The following PLEKHB2 variants were observed in gnomAD, a reference collection of about 807,000 sequenced individuals.
The protein encoded by PLEKHB2 is pleckstrin homology domain-containing family B member 2.
Under a neutral mutation model 36.5 loss-of-function variants are expected in PLEKHB2, and 31 were observed. The observed-to-expected ratio is 0.85, with a 90% CI of 0.64 to 1.15. PLEKHB2 has a LOEUF of 1.15. Ranked by LOEUF, PLEKHB2 falls within the 50% of genes most tolerant of loss-of-function variation. The probability of loss-of-function intolerance (pLI) is 0.00; values close to 1 mark genes in which losing one functional copy is unlikely to be tolerated. For missense variants in PLEKHB2, 262 were observed against 295.3 expected (o/e 0.89, Z 0.83); for synonymous variants, 119 against 112.0 (o/e 1.06, Z -0.39).
Position 131,146,941 on chromosome 2 carries a change from G to T in PLEKHB2, c.*168G>T. On this transcript the variant is annotated 3_prime_UTR_variant, in exon 8 of 8. Transcript: ENST00000693505. Reference sequence around the variant, plus strand: ...ATCCACATAAGTACCACAGAGAAGGGTTTGAACTGTGCTATTTTGTTCAAA... The same window carrying T: ...ATCCACATAAGTACCACAGAGAAGGTTTTGAACTGTGCTATTTTGTTCAAA... 1.8e-6 allele frequency: 1 copy of T among 561,826 alleles called. No homozygotes were observed. Among genetic ancestry groups the T allele is most frequent in the Non-Finnish European group, 3.0e-6 (1 of 335,090 alleles). 34.8% of individuals were successfully genotyped at this position (561,826 alleles called of 1,614,324 possible). A position where few individuals can be genotyped will look rare whatever the true frequency, so the allele number is the denominator to read the frequency against.
intron 7 of PLEKHB2, among the ~76,000 whole-genome samples, chr2:131,141,284 C>T (rs769015419): frequency 2.6e-5 from 4 of 152,096 alleles, no homozygotes; most frequent in South Asian, 2.1e-4. Flanking sequence ...TCAACTAGCA[C>T]GGACTTTGGA....
rs367597346 is a variant in PLEKHB2 at position 131,141,436 on chromosome 2, G to C, written c.532+1161G>C. ...GGGTGGATCATGAGGTCAGGAGATCGAGACCATCCTGGCTAACACAGTGAA... is the reference window on the plus strand; with the variant it reads ...GGGTGGATCATGAGGTCAGGAGATCCAGACCATCCTGGCTAACACAGTGAA... On this transcript the variant is annotated intron_variant, in intron 7 of 7. Coordinates refer to ENST00000693505, the MANE Select transcript of PLEKHB2 (RefSeq NM_001100623.2). Among the ~76,000 whole-genome samples, 471 of 151,950 alleles carry C rather than the reference G, an allele frequency of 3.1e-3. 2 individuals are homozygous for C. The highest frequency in any genetic ancestry group is 3.8e-3 in the Non-Finnish European group (258 of 67,936).
chr2:131,134,060 C>T (rs956494658), intron 6 of PLEKHB2, among the ~76,000 whole-genome samples: 11 of 151,426 alleles, frequency 7.3e-5, no homozygotes, highest in South Asian at 4.2e-4. Flanking sequence ...CCACCACGCC[C>T]GGCTAATTTT....
At chr2:131,121,588 C>G (rs1000592375) in intron 2 of PLEKHB2, among the ~76,000 whole-genome samples, 1 of 152,104 alleles carries the variant, frequency 6.6e-6, no homozygotes, top group Non-Finnish European at 1.5e-5. Context: ...CTGCCTGGAT[C>G]TAACTGAGCC....
At chr2:131,106,888 C>T (rs929389357) in intron 1 of PLEKHB2, among the ~76,000 whole-genome samples, 2 of 152,158 alleles carry the variant, frequency 1.3e-5, no homozygotes, top group Admixed American at 1.3e-4. Context: ...AACTCAGAAC[C>T]TGACAGCGGT....
In PLEKHB2 at chr2:131,117,611, A is replaced by AT. The variant is rs201603406; in HGVS notation, c.-8-3314dup. ...TTCTAGTAATTTTTAGCCTGTTCTC[A>AT]TTTTTTTTTGTATGAAATATACTGG... is the stretch of plus-strand genomic sequence containing the variant. On this transcript the variant is annotated intron_variant, in intron 1 of 7. Coordinates refer to ENST00000693505, the MANE Select transcript of PLEKHB2 (RefSeq NM_001100623.2). 5.6e-4 allele frequency among the ~76,000 whole-genome samples: 84 copies of AT among 150,802 alleles called. 1 individual carries two copies. The highest frequency in any genetic ancestry group is 1.8e-3 in the African/African-American group (74 of 41,176).
intron 5 of PLEKHB2, 29 bp downstream of exon 5, chr2:131,130,789 T>A (rs778723492): frequency 4.0e-6 from 2 of 505,884 alleles, no homozygotes; most frequent in East Asian, 1.6e-4. Context: ...TCACCAATAA[T>A]TTTTTTTTTT....
At chr2:131,139,996 G>A (rs892750448) in intron 6 of PLEKHB2, among the ~76,000 whole-genome samples, 171 bp from the exon 7 acceptor site, 6 of 152,032 alleles carry the variant, frequency 3.9e-5, no homozygotes, top group African/African-American at 1.4e-4. Context: ...TGTAGCTTTT[G>A]TTTGTTTTTT....
At position 131,149,383 on chromosome 2, in the gene PLEKHB2, C is replaced by T. The variant is rs1699521031; in HGVS notation, c.*2610C>T. On this transcript the variant is annotated 3_prime_UTR_variant, in exon 8 of 8. Transcript: ENST00000693505. ...CATGTGTACTTTTAAATAATCCATA[C>T]CTTGAAGAAGTTGGCCAATGATATT... The T allele has an allele frequency of 6.6e-6, 1 of 152,186 alleles. No homozygotes were observed. Among genetic ancestry groups the T allele is most frequent in the Non-Finnish European group, 1.5e-5 (1 of 68,032 alleles). The allele number at this position is 152,186 out of a possible 1,614,324, so 9.4% of individuals were successfully genotyped here.
chr2:131,110,131 A>AT (rs1159009752), intron 1 of PLEKHB2, among the ~76,000 whole-genome samples: 23 of 151,864 alleles, frequency 1.5e-4, no homozygotes, highest in Admixed American at 1.5e-3. Flanking sequence ...AAAAAATAGT[A>AT]TTTTATCTTT....
At chr2:131,131,065 A>G (rs887477355) in intron 5 of PLEKHB2, among the ~76,000 whole-genome samples, 3 of 152,252 alleles carry the variant, frequency 2.0e-5, no homozygotes, top group African/African-American at 7.2e-5. Flanking sequence ...CTGGGATTAC[A>G]GGCATGAGCC....
At chr2:131,124,834 G>A (rs1696939209) in intron 2 of PLEKHB2, among the ~76,000 whole-genome samples, 1 of 151,360 alleles carries the variant, frequency 6.6e-6, no homozygotes, top group Non-Finnish European at 1.5e-5. Context: ...CCCCCAGGTT[G>A]GAGGGCAGTG....
intron 6 of PLEKHB2, among the ~76,000 whole-genome samples, chr2:131,137,386 T>C (rs1488572415): frequency 6.6e-6 from 1 of 152,248 alleles, no homozygotes; most frequent in Admixed American, 6.5e-5. Context: ...CTCCTCCCTG[T>C]ATCCTCACAT....
At chr2:131,135,434 A>G (rs1364539670) in intron 6 of PLEKHB2, among the ~76,000 whole-genome samples, 1 of 152,222 alleles carries the variant, frequency 6.6e-6, no homozygotes, top group African/African-American at 2.4e-5. Flanking sequence ...GGGATATACT[A>G]CATAGGCAAT....
In PLEKHB2 at chr2:131,146,650, G is replaced by A; in HGVS notation, c.546G>A (p.Gln182=). The change falls in exon 8 of 8, where the codon CAG becomes CAA. Residue 182 remains glutamine (Q), a synonymous_variant. Transcript: ENST00000693505. ...YQYPYAGLYG[Q]QPANQVIIRE... The stretch of plus-strand genomic sequence containing the variant: ...CTTCTCTTTTAGGACTTTATGGACA[G>A]CAGCCTGCTAACCAAGTCATCATTC... The A allele has an allele frequency of 6.2e-7, 1 of 1,612,332 alleles. No homozygotes were observed. The highest frequency in any genetic ancestry group is 8.5e-7 in the Non-Finnish European group (1 of 1,179,364).
chr2:131,111,617 A>C (rs1475874972), intron 1 of PLEKHB2, among the ~76,000 whole-genome samples: 2 of 150,818 alleles, frequency 1.3e-5, no homozygotes, highest in African/African-American at 4.9e-5. Flanking sequence ...CAGCCTCCTG[A>C]GTAGCTGGGA....
intron 3 of PLEKHB2, among the ~76,000 whole-genome samples, chr2:131,126,475 G>A (rs1447815003): frequency 6.6e-6 from 1 of 152,056 alleles, no homozygotes; most frequent in Admixed American, 6.6e-5. Flanking sequence ...GCAGTGAGCC[G>A]AATATATTTT....
chr2:131,115,738 T>G (rs887346925), intron 1 of PLEKHB2, among the ~76,000 whole-genome samples: 4 of 152,176 alleles, frequency 2.6e-5, no homozygotes, highest in African/African-American at 7.2e-5. Context: ...CAGCCTTAGT[T>G]GGTTGTAATA....
At chr2:131,127,183 T>C (rs1003452384) in intron 4 of PLEKHB2, 13 of 183,962 alleles carry the variant, frequency 7.1e-5, no homozygotes, top group Admixed American at 3.5e-4. Flanking sequence ...AAATTCATTG[T>C]CTCATAGTTC....
Sources: allele counts gnomAD v4.1 joint callset (sites outside exome capture counted in the v4.1 genomes callset), GRCh38; gene constraint gnomAD v4.1.1; transcripts MANE v1.5; gene names NCBI Gene and HGNC (gene_info 2026-07-23, HGNC 2026-07-21).